The following OSBP2 variants were observed in gnomAD, a reference collection of about 807,000 sequenced individuals.
The protein encoded by OSBP2 is oxysterol-binding protein 2.
Under a neutral mutation model 96.0 loss-of-function variants are expected in OSBP2, and 66 were observed. The ratio of observed to expected loss-of-function variants is 0.69; its 90% confidence interval spans 0.56 to 0.84. The LOEUF is 0.84. Among genes scored for constraint, OSBP2 ranks in the 40% least tolerant of loss-of-function variants. The pLI is 0.00. For synonymous variants in OSBP2, 525 were observed against 520.9 expected (o/e 1.01, Z -0.11); for missense variants, 1,038 against 1,222.7 (o/e 0.85, Z 2.25).
Position 30,695,491 on chromosome 22 carries a change from C to T in OSBP2, c.582C>T (p.Asn194=). The T allele has an allele frequency of 4.3e-6, 7 of 1,613,270 alleles. No homozygotes were observed. The highest frequency in any genetic ancestry group is 2.2e-5 in the East Asian group (1 of 44,882). The change falls in exon 1 of 14, where the codon AAC becomes AAT. Residue 194 remains asparagine, a synonymous_variant. Coordinates refer to ENST00000332585, the MANE Select transcript of OSBP2 (RefSeq NM_030758.4). ...SFEGWLLKWT[N]YLKGYQRRWF... ...AGGGCTGGCTTCTCAAGTGGACCAA[C>T]TATCTGAAGGGCTACCAGCGCCGCT...
intron 2 of OSBP2, among the ~76,000 whole-genome samples, chr22:30,837,261 C>CAAAAAAAAAAA (rs34674333): frequency 9.0e-6 from 1 of 110,838 alleles, no homozygotes. Flanking sequence ...GACTCTGTCT[C>CAAAAAAAAAAA]AAAAAAAAAA....
intron 1 of OSBP2, among the ~76,000 whole-genome samples, chr22:30,704,090 A>G (rs2089207413): frequency 6.6e-6 from 1 of 151,810 alleles, no homozygotes; most frequent in Admixed American, 6.6e-5. Flanking sequence ...CACTGGGGAG[A>G]CTCTTCTGTG....
At chr22:30,748,581 T>C (rs1316920121) in intron 2 of OSBP2, among the ~76,000 whole-genome samples, 1 of 152,188 alleles carries the variant, frequency 6.6e-6, no homozygotes, top group Non-Finnish European at 1.5e-5. Context: ...CATGACACCC[T>C]TGGCAGCACC....
chr22:30,894,281 C>A, intron 12 of OSBP2: 2 of 382,534 alleles, frequency 5.2e-6, no homozygotes, highest in Non-Finnish European at 9.4e-6. Flanking sequence ...AAAATAACCA[C>A]AGGAAATAGA....
chr22:30,837,450 C>G (rs1183429635), intron 2 of OSBP2, among the ~76,000 whole-genome samples: 2 of 152,118 alleles, frequency 1.3e-5, no homozygotes, highest in African/African-American at 2.4e-5. Flanking sequence ...GGCCATTCTA[C>G]CTAGCAGTGC....
intron 1 of OSBP2, among the ~76,000 whole-genome samples, chr22:30,717,709 C>T (rs933044562): frequency 1.3e-5 from 2 of 152,192 alleles, no homozygotes; most frequent in Non-Finnish European, 2.9e-5. Flanking sequence ...CACTTAGAGT[C>T]TCCTTATTCA....
At chr22:30,749,518 C>T (rs939260403) in intron 2 of OSBP2, among the ~76,000 whole-genome samples, 3 of 152,086 alleles carry the variant, frequency 2.0e-5, no homozygotes, top group East Asian at 1.9e-4. Flanking sequence ...GACATTTGGC[C>T]GGAGAAAGGA....
chr22:30,804,217 G>C (rs2090896044), intron 2 of OSBP2, among the ~76,000 whole-genome samples: 1 of 152,190 alleles, frequency 6.6e-6, no homozygotes, highest in South Asian at 2.1e-4. Flanking sequence ...GTGGAGAGGG[G>C]AGGTGGAATT....
At chr22:30,848,079 A>G (rs1246468744) in intron 2 of OSBP2, among the ~76,000 whole-genome samples, 1 of 152,056 alleles carries the variant, frequency 6.6e-6, no homozygotes, top group African/African-American at 2.4e-5. Flanking sequence ...GGTTTTTTCC[A>G]TATTAGTACA....
At chr22:30,806,669 A>C (rs1262849210) in intron 2 of OSBP2, among the ~76,000 whole-genome samples, 2 of 152,026 alleles carry the variant, frequency 1.3e-5, no homozygotes, top group African/African-American at 4.8e-5. Context: ...CTCCTAATGG[A>C]CTGCTCCTCA....
At chr22:30,872,237 T>C in intron 3 of OSBP2, 8 of 456,606 alleles carry the variant, frequency 1.8e-5, no homozygotes, top group Non-Finnish European at 3.5e-5. Context: ...GCTGTACTTC[T>C]ACCAGGGACA....
intron 3 of OSBP2, among the ~76,000 whole-genome samples, chr22:30,880,064 G>T (rs1171968511): frequency 6.6e-6 from 1 of 151,916 alleles, no homozygotes; most frequent in East Asian, 1.9e-4. Flanking sequence ...AAAAAAATAG[G>T]TGAGGCCAGC....
rs1250512932 is a variant in OSBP2, at chr22:30,870,305, C to A, written c.854-124C>A. 8.9e-5 allele frequency: 89 copies of A among 1,003,584 alleles called. No individual in the cohort carries two copies. The highest frequency in any genetic ancestry group is 2.9e-6 in the Non-Finnish European group (2 of 681,804). 62.2% of individuals were successfully genotyped at this position (1,003,584 alleles called of 1,614,324 possible). ...CCCCGGCCAGGAACAGGAACGGGCA[C>A]CATCTCGGGGACTGATGTTTTTTGA... On this transcript the variant is annotated intron_variant, in intron 2 of 13. Coordinates refer to ENST00000332585, the MANE Select transcript of OSBP2 (RefSeq NM_030758.4). This position sits in a 1 kb window ranked among gnomAD's most constrained non-coding sequence, Gnocchi z 4.1.
intron 12 of OSBP2, 146 bp from the exon 13 acceptor site, chr22:30,905,691 G>A (rs532650584): frequency 8.0e-7 from 1 of 1,250,142 alleles, no homozygotes; most frequent in Non-Finnish European, 1.1e-6. Context: ...ACTGGGGTGG[G>A]CCCAAGGCCA....
chr22:30,764,599 T>A (rs2090247811), intron 2 of OSBP2, among the ~76,000 whole-genome samples: 1 of 152,156 alleles, frequency 6.6e-6, no homozygotes, highest in Admixed American at 6.6e-5. Context: ...AAGCACAGTG[T>A]TTCTTACTTG....
chr22:30,725,923 G>A (rs1404169495), intron 1 of OSBP2, among the ~76,000 whole-genome samples: 1 of 151,976 alleles, frequency 6.6e-6, no homozygotes, highest in African/African-American at 2.4e-5. Context: ...GGGATTACAG[G>A]TGTGCACCAC....
chr22:30,706,700 C>T (rs1049224029), intron 1 of OSBP2, among the ~76,000 whole-genome samples: 1 of 152,134 alleles, frequency 6.6e-6, no homozygotes, highest in South Asian at 2.1e-4. Context: ...TCATCTTCTT[C>T]CAGCCTTGAC....
At chr22:30,766,457 AG>A (rs1394552892) in intron 2 of OSBP2, among the ~76,000 whole-genome samples, 1 of 152,184 alleles carries the variant, frequency 6.6e-6, no homozygotes, top group African/African-American at 2.4e-5. Context: ...GCTAGTTCAT[AG>A]GGTTTTTAGT....
chr22:30,817,611 G>A lies in OSBP2; in HGVS notation c.854-52818G>A. Among the ~76,000 whole-genome samples the A allele has an allele frequency of 1.3e-5, 2 of 152,196 alleles. 1 individual carries two copies. Among genetic ancestry groups the A allele is most frequent in the Admixed American group, 1.3e-4 (2 of 15,284 alleles). ...GATGGAAGGCTTGGGAAGACAGGTG[G>A]GTGATGTGGTTCGATAGGCTGGGGT... On this transcript the variant is annotated intron_variant, in intron 2 of 13. Transcript: ENST00000332585.
Sources: allele counts gnomAD v4.1 joint callset (sites outside exome capture counted in the v4.1 genomes callset), GRCh38; gene constraint gnomAD v4.1.1; non-coding constraint Gnocchi (gnomAD v3.1); transcripts MANE v1.5; gene names NCBI Gene and HGNC (gene_info 2026-07-23, HGNC 2026-07-21).